EPS8: variants seen among roughly 807,000 people sequenced by gnomAD.
EPS8 encodes the protein epidermal growth factor receptor kinase substrate 8.
EPS8 carries 42 observed loss-of-function variants against 103.8 expected under a neutral mutation model. That is an observed-to-expected ratio of 0.40 (90% CI 0.32 to 0.52). EPS8 has a LOEUF of 0.52. Among genes scored for constraint, EPS8 ranks in the 20% least tolerant of loss-of-function variants. EPS8 has a pLI of 0.40. For synonymous variants in EPS8, 344 were observed against 344.6 expected, an observed-to-expected ratio of 1.00 and a Z score of 0.02; for missense variants, 969 against 1,005.1, an observed-to-expected ratio of 0.96 and a Z score of 0.49.
In EPS8 at chr12:15,721,951, G is replaced by A. The variant is rs1391185609; in HGVS notation, c.-21-38979C>T. Among the ~76,000 whole-genome samples the A allele has an allele frequency of 1.3e-5, 2 of 149,090 alleles. No homozygotes were observed. The highest frequency in any genetic ancestry group is 3.0e-5 in the Non-Finnish European group (2 of 67,158). On this transcript the variant is annotated intron_variant, in intron 1 of 20. Transcript: ENST00000281172. This position sits in a 1 kb window ranked among gnomAD's most constrained non-coding sequence, Gnocchi z 4.4. Reference sequence around the variant, plus strand: ...CTTTCACATTTTATAAATTTTTCTAGTTTTTTTTTAATGCATACATACTTT... The same window carrying A: ...CTTTCACATTTTATAAATTTTTCTAATTTTTTTTTAATGCATACATACTTT...
chr12:15,672,837 G>T (rs1349286360), intron 3 of EPS8, among the ~76,000 whole-genome samples: 1 of 152,178 alleles, frequency 6.6e-6, no homozygotes, highest in Non-Finnish European at 1.5e-5. Context: ...TTCAGAGCAG[G>T]AGGGCTCGGC....
At chr12:15,626,388 T>C (rs1944945507) in intron 18 of EPS8, among the ~76,000 whole-genome samples, 1 of 152,066 alleles carries the variant, frequency 6.6e-6, no homozygotes, top group Non-Finnish European at 1.5e-5. Context: ...CCAAGCACTT[T>C]GGGAGGCTGA....
intron 1 of EPS8, among the ~76,000 whole-genome samples, chr12:15,723,239 A>C (rs1946617412): frequency 6.6e-6 from 1 of 152,142 alleles, no homozygotes; most frequent in Admixed American, 6.5e-5. Flanking sequence ...TGAGCCTGGG[A>C]GGTAAAAGTT....
chr12:15,739,264 C>G (rs2136003533), intron 1 of EPS8, among the ~76,000 whole-genome samples: 1 of 152,324 alleles, frequency 6.6e-6, no homozygotes, highest in African/African-American at 2.4e-5. Context: ...ATCTGTCAGA[C>G]AGTACAGTCC....
intron 15 of EPS8, among the ~76,000 whole-genome samples, chr12:15,644,524 C>G (rs1282093462): frequency 6.6e-6 from 1 of 152,060 alleles, no homozygotes; most frequent in Admixed American, 6.5e-5. Context: ...GAAACCCCAT[C>G]TCTACTAAAA....
chr12:15,758,322 C>G (rs1947008451), intron 1 of EPS8, among the ~76,000 whole-genome samples: 2 of 152,152 alleles, frequency 1.3e-5, no homozygotes, highest in Admixed American at 1.3e-4. Flanking sequence ...CATGAAGAAA[C>G]AAGACAAATC....
rs1946539261 is a variant in EPS8, at chr12:15,716,963, C to G, written c.-21-33991G>C. Among the ~76,000 whole-genome samples, 1 of 152,176 alleles carries G rather than the reference C, an allele frequency of 6.6e-6. No homozygotes were observed. Among genetic ancestry groups the G allele is most frequent in the South Asian group, 2.1e-4 (1 of 4,830 alleles). ...ACCAATCCTTCTCCTAACTTTAATACCTTTTTCAGTGAGAGTAAGAAACCC... is the reference window on the plus strand; with the variant it reads ...ACCAATCCTTCTCCTAACTTTAATAGCTTTTTCAGTGAGAGTAAGAAACCC... On this transcript the variant is annotated intron_variant, in intron 1 of 20. Coordinates refer to ENST00000281172, the MANE Select transcript of EPS8 (RefSeq NM_004447.6). This position sits in a 1 kb window ranked among gnomAD's most constrained non-coding sequence, Gnocchi z 5.0.
chr12:15,732,294 G>T (rs1175672083), intron 1 of EPS8, among the ~76,000 whole-genome samples: 2 of 152,126 alleles, frequency 1.3e-5, no homozygotes, highest in Non-Finnish European at 2.9e-5. Context: ...TCCATTTTGA[G>T]CCCATTAGTA....
At chr12:15,730,189 T>G (rs929797867) in intron 1 of EPS8, among the ~76,000 whole-genome samples, 1 of 152,056 alleles carries the variant, frequency 6.6e-6, no homozygotes, top group African/African-American at 2.4e-5. Flanking sequence ...TAAACACTTT[T>G]GTAATACACA....
At chr12:15,648,990 A>G (rs1055130740) in intron 14 of EPS8, among the ~76,000 whole-genome samples, 1 of 152,198 alleles carries the variant, frequency 6.6e-6, no homozygotes, top group Non-Finnish European at 1.5e-5. Context: ...AGGGATGATT[A>G]CGTTTTTTTG....
Position 15,666,445 on chromosome 12 carries a change from G to A in EPS8, c.594C>T (p.Ala198=). ...KGGKQKRRPD[A]LRMISNADPS... Reference sequence around the variant, plus strand: ...ATTTCTTTCAATGCTTTTACCTCAGGGCGTCGGGCCGCCTCTTCTGTTTCC... The same window carrying A: ...ATTTCTTTCAATGCTTTTACCTCAGAGCGTCGGGCCGCCTCTTCTGTTTCC... The change falls in exon 7 of 21, where the codon GCC becomes GCT. Residue 198 remains alanine (A), a synonymous_variant. Transcript: ENST00000281172. The A allele has an allele frequency of 1.4e-5, 23 of 1,612,110 alleles. No individual in the cohort carries two copies. The highest frequency in any genetic ancestry group is 2.0e-5 in the Non-Finnish European group (23 of 1,178,300).
rs148219414 is a variant in EPS8, at chr12:15,655,523, G to A, written c.1102-1230C>T. On this transcript the variant is annotated intron_variant, in intron 12 of 20. Transcript: ENST00000281172. ...TGAATGAAAAAAGATGGCAGATAAC[G>A]GAGGAAAGCTAACTCTTATTTGAGA... 2.7e-3 allele frequency among the ~76,000 whole-genome samples: 417 copies of A among 152,250 alleles called. 5 individuals carry two copies. Among genetic ancestry groups the A allele is most frequent in the African/African-American group, 9.4e-3 (392 of 41,554 alleles).
intron 1 of EPS8, among the ~76,000 whole-genome samples, chr12:15,768,390 A>G (rs1947118823): frequency 7.5e-6 from 1 of 133,446 alleles, no homozygotes; most frequent in Non-Finnish European, 1.6e-5. Flanking sequence ...GTGAGCTGAG[A>G]TTACGCCACT....
intron 1 of EPS8, among the ~76,000 whole-genome samples, chr12:15,766,219 T>A (rs1170306379): frequency 6.6e-6 from 1 of 151,562 alleles, no homozygotes; most frequent in Non-Finnish European, 1.5e-5. Flanking sequence ...GGCTCACACC[T>A]GTAATCCCAG....
intron 17 of EPS8, among the ~76,000 whole-genome samples, chr12:15,633,553 G>A (rs1436052854): frequency 6.6e-6 from 1 of 152,180 alleles, no homozygotes; most frequent in African/African-American, 2.4e-5. Context: ...AATCAAGCCT[G>A]AAAACAAACT....
At chr12:15,677,122 T>C (rs961180225) in intron 3 of EPS8, among the ~76,000 whole-genome samples, 8 of 152,146 alleles carry the variant, frequency 5.3e-5, no homozygotes, top group Non-Finnish European at 1.0e-4. Flanking sequence ...TATCAAAATA[T>C]TACATTTGAG....
At chr12:15,672,310 ATATT>A in intron 3 of EPS8, 1 of 390,278 alleles carries the variant, frequency 2.6e-6, no homozygotes, top group Non-Finnish European at 4.5e-6. Flanking sequence ...AATTTCATTT[ATATT>A]TACTTTTAAA....
rs1469580593 is a variant in EPS8 at position 15,701,115 on chromosome 12, G to C, written c.-21-18143C>G. 6.6e-6 allele frequency among the ~76,000 whole-genome samples: 1 copy of C among 152,148 alleles called. No homozygotes were observed. Among genetic ancestry groups the C allele is most frequent in the African/African-American group, 2.4e-5 (1 of 41,442 alleles). On this transcript the variant is annotated intron_variant, in intron 1 of 20. Transcript: ENST00000281172. The surrounding 1 kb of genome is among the most constrained non-coding windows in gnomAD (Gnocchi z 5.1). ...AACTAATATCTTTGGCTTCAAAATA[G>C]TCACTTTTTTAAAAGGTAATTCTTT...
chr12:15,705,288 T>C (rs1946370261), intron 1 of EPS8, among the ~76,000 whole-genome samples: 1 of 152,240 alleles, frequency 6.6e-6, no homozygotes, highest in Non-Finnish European at 1.5e-5. Flanking sequence ...AGAAAATGAA[T>C]ACATGACATT....
Sources: allele counts gnomAD v4.1 joint callset (sites outside exome capture counted in the v4.1 genomes callset), GRCh38; gene constraint gnomAD v4.1.1; non-coding constraint Gnocchi (gnomAD v3.1); transcripts MANE v1.5; gene names NCBI Gene and HGNC (gene_info 2026-07-23, HGNC 2026-07-21).